The following PALLD variants were observed in gnomAD, a reference collection of about 807,000 sequenced individuals.
The protein encoded by PALLD is palladin, cytoskeletal associated protein, also known as palladin.
Under a neutral mutation model 123.5 loss-of-function variants are expected in PALLD, and 61 were observed. The observed-to-expected ratio is 0.49, with a 90% confidence interval of 0.40 to 0.61. PALLD has a LOEUF of 0.61. Ranked by LOEUF, PALLD falls within the 20% of genes least tolerant of loss-of-function variation. PALLD has a pLI of 0.00. For synonymous variants in PALLD, 465 were observed against 496.4 expected (o/e 0.94, Z 0.84); for missense variants, 1,273 against 1,377.0 (o/e 0.92, Z 1.20).
At chr4:168,590,299 G>A (rs945082530) in intron 2 of PALLD, among the ~76,000 whole-genome samples, 3 of 152,178 alleles carry the variant, frequency 2.0e-5, no homozygotes, top group East Asian at 3.9e-4. Flanking sequence ...CCAAGATTGC[G>A]CCATTGCACT....
At chr4:168,919,133 A>G (rs774030242) in intron 17 of PALLD, among the ~76,000 whole-genome samples, 6 of 152,210 alleles carry the variant, frequency 3.9e-5, no homozygotes, top group Non-Finnish European at 8.8e-5. Context: ...GGACTGGCAC[A>G]TAACTGTCCT....
intron 2 of PALLD, among the ~76,000 whole-genome samples, chr4:168,573,156 C>G (rs1443785172): frequency 6.6e-6 from 1 of 151,680 alleles, no homozygotes; most frequent in Admixed American, 6.6e-5. Flanking sequence ...CTGTGCATTT[C>G]CAGTTCCTTC....
At chr4:168,540,917 C>T (rs1320032311) in intron 2 of PALLD, among the ~76,000 whole-genome samples, 2 of 152,072 alleles carry the variant, frequency 1.3e-5, no homozygotes, top group African/African-American at 4.8e-5. Context: ...TCCTTCTCAC[C>T]TCACCCCAGC....
At chr4:168,857,357 A>AC (rs533249274) in intron 10 of PALLD, among the ~76,000 whole-genome samples, 1 of 152,026 alleles carries the variant, frequency 6.6e-6, no homozygotes, top group African/African-American at 2.4e-5. Context: ...AGCTTCATGA[A>AC]CCCCATTGTA....
intron 10 of PALLD, among the ~76,000 whole-genome samples, chr4:168,826,141 T>C (rs1481102701): frequency 6.6e-6 from 1 of 152,190 alleles, no homozygotes; most frequent in African/African-American, 2.4e-5. Flanking sequence ...AATCTGTGGA[T>C]GATTCCTTCA....
chr4:168,614,414 GT>G (rs11376969), intron 2 of PALLD, among the ~76,000 whole-genome samples: 1 of 152,024 alleles, frequency 6.6e-6, no homozygotes, highest in Non-Finnish European at 1.5e-5. Flanking sequence ...CCTAGTCAAT[GT>G]TTTTTTGCCA....
At chr4:168,747,561 C>G (rs1730490106) in intron 10 of PALLD, among the ~76,000 whole-genome samples, 1 of 152,174 alleles carries the variant, frequency 6.6e-6, no homozygotes, top group Non-Finnish European at 1.5e-5. Context: ...GAAATTCAGG[C>G]TATATGCTCA....
chr4:168,741,713 T>C (rs1207050782), intron 10 of PALLD, among the ~76,000 whole-genome samples: 1 of 151,304 alleles, frequency 6.6e-6, no homozygotes, highest in East Asian at 1.9e-4. Context: ...AAAAGAATGG[T>C]TGGAGAGAGA....
chr4:168,921,514 G>T lies in PALLD; in HGVS notation c.2851-20G>T. The T allele has an allele frequency of 6.6e-7, 1 of 1,519,070 alleles. No individual in the cohort carries two copies. Among genetic ancestry groups the T allele is most frequent in the Non-Finnish European group, 9.0e-7 (1 of 1,116,086 alleles). 94.1% of individuals were successfully genotyped at this position (1,519,070 alleles called of 1,614,324 possible). ...TCTGTTTTAATACAAAAATTTACAT[G>T]TATTTCTTTTATGATTTAGGTCAGT... On this transcript the variant is annotated intron_variant, in intron 17 of 21. Transcript: ENST00000505667.
intron 2 of PALLD, among the ~76,000 whole-genome samples, chr4:168,615,856 C>T (rs1363715397): frequency 6.6e-6 from 1 of 152,200 alleles, no homozygotes; most frequent in Non-Finnish European, 1.5e-5. Context: ...CTTGTAGTCA[C>T]ACAGGGGAAG....
chr4:168,926,459 G>A lies in PALLD; in HGVS notation c.*279G>A. ...CCAACATATTCCTTTGTCACATTAT[G>A]TAAAAGGCAGAAACATACCTTTGAC... On this transcript the variant is annotated 3_prime_UTR_variant, in exon 22 of 22. Coordinates refer to ENST00000505667, the MANE Select transcript of PALLD (RefSeq NM_001166108.2). The A allele has an allele frequency of 3.8e-6, 4 of 1,055,408 alleles. No homozygotes were observed. The highest frequency in any genetic ancestry group is 5.5e-6 in the Non-Finnish European group (4 of 723,562). The allele number at this position is 1,055,408 out of a possible 1,614,324, so 65.4% of individuals were successfully genotyped here.
At chr4:168,562,916 A>G (rs1039836472) in intron 2 of PALLD, among the ~76,000 whole-genome samples, 4 of 152,204 alleles carry the variant, frequency 2.6e-5, no homozygotes, top group Non-Finnish European at 4.4e-5. Context: ...AGAATGGACT[A>G]TATAGAAGGG....
intron 10 of PALLD, among the ~76,000 whole-genome samples, chr4:168,804,206 C>T (rs1395915286): frequency 1.3e-5 from 2 of 152,098 alleles, no homozygotes; most frequent in African/African-American, 4.8e-5. Context: ...CTGTGTAGAG[C>T]GAACTAGAAA....
intron 2 of PALLD, among the ~76,000 whole-genome samples, chr4:168,586,301 G>A (rs1408870321): frequency 1.3e-5 from 2 of 151,738 alleles, no homozygotes. Flanking sequence ...AATTAGATAT[G>A]CCCCAAATTT....
At chr4:168,586,775 A>C (rs2149674086) in intron 2 of PALLD, among the ~76,000 whole-genome samples, 1 of 152,186 alleles carries the variant, frequency 6.6e-6, no homozygotes, top group Non-Finnish European at 1.5e-5. Context: ...GGTCTTTCAA[A>C]CCCTTATATA....
chr4:168,598,354 G>T (rs1489992709), intron 2 of PALLD: 5 of 564,520 alleles, frequency 8.9e-6, no homozygotes, highest in South Asian at 1.5e-5. Flanking sequence ...CTTGCCATGG[G>T]AACTGTTTGG....
intron 15 of PALLD, among the ~76,000 whole-genome samples, chr4:168,912,515 A>AT (rs1759189595): frequency 6.6e-6 from 1 of 152,258 alleles, no homozygotes; most frequent in Admixed American, 6.5e-5. Flanking sequence ...TGTGTGGCTT[A>AT]TCCATGTCAT....
chr4:168,799,405 G>C (rs1486058990), intron 10 of PALLD, among the ~76,000 whole-genome samples: 1 of 152,114 alleles, frequency 6.6e-6, no homozygotes, highest in Non-Finnish European at 1.5e-5. Flanking sequence ...AAAGGTAACC[G>C]AAGTCTCTCA....
intron 11 of PALLD, among the ~76,000 whole-genome samples, chr4:168,894,006 C>G (rs1754588840): frequency 6.6e-6 from 1 of 152,230 alleles, no homozygotes; most frequent in Non-Finnish European, 1.5e-5. Flanking sequence ...CTGGGAAATG[C>G]TCTTAGAGGT....
Sources: allele counts gnomAD v4.1 joint callset (sites outside exome capture counted in the v4.1 genomes callset), GRCh38; gene constraint gnomAD v4.1.1; transcripts MANE v1.5; gene names NCBI Gene and HGNC (gene_info 2026-07-23, HGNC 2026-07-21).